ZBTB2: variants seen among roughly 807,000 people sequenced by gnomAD.
ZBTB2 encodes zinc finger and BTB domain containing 2, also known as zinc finger and BTB domain-containing protein 2.
In ZBTB2, 2 loss-of-function variants were observed where a neutral mutation model predicts 39.5. The observed-to-expected ratio is 0.05, with a 90% CI of 0.02 to 0.16. ZBTB2 has a LOEUF of 0.16. Among genes scored for constraint, ZBTB2 ranks in the 10% least tolerant of loss-of-function variants. The pLI is 1.00. For missense variants in ZBTB2, 391 were observed against 653.0 expected, an observed-to-expected ratio of 0.60 and a Z score of 4.37; for synonymous variants, 251 against 256.6, an observed-to-expected ratio of 0.98 and a Z score of 0.21.
Position 151,365,293 on chromosome 6 carries a change from T to A in ZBTB2, c.*228A>T. 1 of 499,698 alleles carries A rather than the reference T, an allele frequency of 2.0e-6. No homozygotes were observed. Among genetic ancestry groups the A allele is most frequent in the Non-Finnish European group, 3.5e-6 (1 of 285,442 alleles). The allele number at this position is 499,698 out of a possible 1,614,324, so 31.0% of individuals were successfully genotyped here. ...CTCTCAAAATTTGAGTTTATAAGTA[T>A]AATGACCATTATCTTTCCAATATCC... On this transcript the variant is annotated 3_prime_UTR_variant, in exon 3 of 3. Coordinates refer to ENST00000325144, the MANE Select transcript of ZBTB2 (RefSeq NM_020861.3). The surrounding 1 kb of genome is among the most constrained non-coding windows in gnomAD (Gnocchi z 5.6).
At chr6:151,382,396 C>T (rs541055635) in intron 1 of ZBTB2, among the ~76,000 whole-genome samples, 1 of 151,948 alleles carries the variant, frequency 6.6e-6, no homozygotes, top group South Asian at 2.1e-4. Context: ...GCTGGGATTA[C>T]AGGAATGTGC....
chr6:151,372,833 C>T (rs1388975465), intron 2 of ZBTB2, among the ~76,000 whole-genome samples: 1 of 151,902 alleles, frequency 6.6e-6, no homozygotes, highest in Non-Finnish European at 1.5e-5. Context: ...TGGAAGGGTT[C>T]GCTGAGGTTG....
At chr6:151,389,370 A>G (rs995251849) in intron 1 of ZBTB2, among the ~76,000 whole-genome samples, 3 of 152,204 alleles carry the variant, frequency 2.0e-5, no homozygotes, top group Admixed American at 6.5e-5. Flanking sequence ...ACCAATTTAT[A>G]ATTTTGGTTT....
rs1000704427 is a variant in ZBTB2 at position 151,373,664 on chromosome 6, ATTTTAT to A, written c.-12-21_-12-16del. 1.2e-6 allele frequency: 2 copies of A among 1,607,464 alleles called. No homozygotes were observed. The highest frequency in any genetic ancestry group is 1.3e-5 in the African/African-American group (1 of 74,510). On this transcript the variant is annotated splice_polypyrimidine_tract_variant and intron_variant, in intron 1 of 2. Coordinates refer to ENST00000325144, the MANE Select transcript of ZBTB2 (RefSeq NM_020861.3). Reference sequence around the variant, plus strand: ...TTTTAAAAAATCTGCAAAGCAAACAATTTTATTTTTAAGAAGGTGATTCACAAATAA... The same window carrying A: ...TTTTAAAAAATCTGCAAAGCAAACAATTTTAAGAAGGTGATTCACAAATAA...
intron 1 of ZBTB2, among the ~76,000 whole-genome samples, chr6:151,391,055 G>A (rs971496734): frequency 4.8e-5 from 4 of 82,950 alleles, no homozygotes; most frequent in African/African-American, 1.9e-4. Flanking sequence ...CCGCCCTCTC[G>A]GCTTCCGTCC....
At position 151,389,960 on chromosome 6, in the gene ZBTB2, C is replaced by T. The variant is rs377458164; in HGVS notation, c.-13+1460G>A. 1.4e-3 allele frequency among the ~76,000 whole-genome samples: 217 copies of T among 152,126 alleles called. 1 individual carries two copies. The highest frequency in any genetic ancestry group is 4.8e-3 in the African/African-American group (200 of 41,522). On this transcript the variant is annotated intron_variant, in intron 1 of 2. Coordinates refer to ENST00000325144, the MANE Select transcript of ZBTB2 (RefSeq NM_020861.3). The stretch of plus-strand genomic sequence containing the variant: ...TTAAACAAGAAGGGTTTAGAGGTTT[C>T]GCTACACCGAGAAAACGACGCCGGC...
At chr6:151,377,731 C>T (rs1778948464) in intron 1 of ZBTB2, among the ~76,000 whole-genome samples, 1 of 151,726 alleles carries the variant, frequency 6.6e-6, no homozygotes, top group Non-Finnish European at 1.5e-5. Context: ...TGGGGTTTCA[C>T]CATGTTGTTA....
chr6:151,384,267 C>G (rs1188029480), intron 1 of ZBTB2, among the ~76,000 whole-genome samples: 1 of 152,190 alleles, frequency 6.6e-6, no homozygotes, highest in African/African-American at 2.4e-5. Flanking sequence ...TGGTCCATAT[C>G]TTAAAAGCAA....
intron 1 of ZBTB2, among the ~76,000 whole-genome samples, chr6:151,380,121 T>G (rs1380472802): frequency 1.3e-5 from 2 of 150,094 alleles, no homozygotes; most frequent in Admixed American, 6.7e-5. Context: ...AAAGAATACA[T>G]GCGCATGACC....
chr6:151,388,616 C>T (rs112313375), intron 1 of ZBTB2, among the ~76,000 whole-genome samples: 14 of 152,334 alleles, frequency 9.2e-5, no homozygotes, highest in African/African-American at 3.4e-4. Context: ...ATCCTCCAGC[C>T]TTGGCCTCCC....
At chr6:151,378,821 G>A (rs944405859) in intron 1 of ZBTB2, among the ~76,000 whole-genome samples, 12 of 152,174 alleles carry the variant, frequency 7.9e-5, no homozygotes, top group Middle Eastern at 3.2e-3. Context: ...ATAATGATAA[G>A]AATTGTTTCT....
chr6:151,368,299 A>C (rs201024995), intron 2 of ZBTB2, among the ~76,000 whole-genome samples: 1 of 152,016 alleles, frequency 6.6e-6, no homozygotes, highest in African/African-American at 2.4e-5. Flanking sequence ...GGTGTCCGCC[A>C]CCACACCCGG....
chr6:151,367,836 C>G (rs1175603093), intron 2 of ZBTB2, among the ~76,000 whole-genome samples: 1 of 152,222 alleles, frequency 6.6e-6, no homozygotes, highest in Non-Finnish European at 1.5e-5. Context: ...AGATTCTACT[C>G]CTTTTATCAT....
rs1257083407 is a variant in ZBTB2 at position 151,364,622 on chromosome 6, C to T, written c.*899G>A. 6.6e-6 allele frequency: 1 copy of T among 152,238 alleles called. No individual in the cohort carries two copies. The highest frequency in any genetic ancestry group is 1.5e-5 in the Non-Finnish European group (1 of 68,046). 9.4% of individuals were successfully genotyped at this position (152,238 alleles called of 1,614,324 possible). On this transcript the variant is annotated 3_prime_UTR_variant, in exon 3 of 3. Coordinates refer to ENST00000325144, the MANE Select transcript of ZBTB2 (RefSeq NM_020861.3). ...CCTATATCCTTTTCCCTGCAGTACA[C>T]ACACTGATTTAAAAGTTAGTGTAAA...
chr6:151,375,390 T>C (rs1248685474), intron 1 of ZBTB2, among the ~76,000 whole-genome samples: 1 of 152,154 alleles, frequency 6.6e-6, no homozygotes, highest in Non-Finnish European at 1.5e-5. Flanking sequence ...ACAGATATAC[T>C]ATGATTATGG....
At chr6:151,387,264 G>C (rs1779179398) in intron 1 of ZBTB2, among the ~76,000 whole-genome samples, 1 of 151,854 alleles carries the variant, frequency 6.6e-6, no homozygotes. Flanking sequence ...ACTTTCAACG[G>C]ATCATTTACC....
At chr6:151,377,310 T>C (rs1176064410) in intron 1 of ZBTB2, among the ~76,000 whole-genome samples, 2 of 151,994 alleles carry the variant, frequency 1.3e-5, no homozygotes. Context: ...GTAAAGGGTA[T>C]ATGGGATCTC....
chr6:151,377,806 T>C (rs1778951073), intron 1 of ZBTB2, among the ~76,000 whole-genome samples: 1 of 152,074 alleles, frequency 6.6e-6, no homozygotes. Context: ...AGTGCTGGGA[T>C]TACGGACGTG....
intron 1 of ZBTB2, among the ~76,000 whole-genome samples, chr6:151,390,981 G>A (rs1779287764): frequency 6.6e-6 from 1 of 150,738 alleles, no homozygotes; most frequent in Non-Finnish European, 1.5e-5. Flanking sequence ...GACCGGCCAC[G>A]GGGAACCGAA....
Sources: gnomAD v4.1 joint callset for allele counts (sites outside exome capture counted in the v4.1 genomes callset) on GRCh38, gnomAD v4.1.1 for gene constraint, Gnocchi (gnomAD v3.1) non-coding constraint, MANE v1.5 for transcripts, NCBI Gene and HGNC (gene_info 2026-07-23, HGNC 2026-07-21) for gene names.